Variants in CREBZF observed in about 807,000 individuals in gnomAD.
CREBZF encodes HCF-binding transcription factor Zhangfei.
In CREBZF, 8 loss-of-function variants were observed where a neutral mutation model predicts 21.1. The observed-to-expected ratio is 0.38, with a 90% CI of 0.22 to 0.68. CREBZF has a LOEUF of 0.68. CREBZF is among the 30% of genes least tolerant of loss of function. The pLI is 0.51. For missense variants in CREBZF, 518 were observed against 484.3 expected, an observed-to-expected ratio of 1.07 and a Z score of -0.65; for synonymous variants, 270 against 223.3, an observed-to-expected ratio of 1.21 and a Z score of -1.86.
At chr11:85,671,649 TA>T (rs1277568369) in intron 1 of CREBZF, among the ~76,000 whole-genome samples, 1 of 152,224 alleles carries the variant, frequency 6.6e-6, no homozygotes, top group Non-Finnish European at 1.5e-5. Flanking sequence ...TGCAAGTCCA[TA>T]ATCCAGCAAG....
At chr11:85,670,245 T>A (rs1165977739) in intron 1 of CREBZF, among the ~76,000 whole-genome samples, 2 of 150,528 alleles carry the variant, frequency 1.3e-5, no homozygotes, top group African/African-American at 4.9e-5. Context: ...TGTTTCGTAT[T>A]CTTTATTTCC....
In CREBZF at chr11:85,664,212, G is replaced by T; in HGVS notation, c.664C>A (p.Arg222=). The change falls in exon 1 of 1, where the codon CGA becomes AGA. Residue 222 remains arginine (R), a synonymous_variant. Transcript: ENST00000527447. The surrounding 1 kb of genome is among the most constrained non-coding windows in gnomAD (Gnocchi z 5.5). The part of the protein sequence containing the change: ...KAAAAAARLN[R]LKKKEYVMGL... ...ATCACGTACTCCTTCTTCTTCAGTC[G>T]ATTAAGGCGGGCAGCGGCCGCCGCC... 1 of 1,613,112 alleles carries T rather than the reference G, an allele frequency of 6.2e-7. No individual in the cohort carries two copies. The highest frequency in any genetic ancestry group is 8.5e-7 in the Non-Finnish European group (1 of 1,179,916).
At position 85,658,181 on chromosome 11, in the gene CREBZF, CCTT is replaced by C. The variant is rs1190211962; in HGVS notation, c.*5627_*5629del. ...TTAACCCAAGTACCGAGTTAAGACTCCTTAAGAATATAGAATTATGTAATCAAC... is the reference window on the plus strand; with the variant it reads ...TTAACCCAAGTACCGAGTTAAGACTCAAGAATATAGAATTATGTAATCAAC... On this transcript the variant is annotated 3_prime_UTR_variant, in exon 1 of 1. Transcript: ENST00000527447. Among the ~76,000 whole-genome samples, 1 of 151,838 alleles carries C rather than the reference CCTT, an allele frequency of 6.6e-6. No individual in the cohort carries two copies. The highest frequency in any genetic ancestry group is 1.5e-5 in the Non-Finnish European group (1 of 67,814).
At chr11:85,680,098 A>G (rs1490129232) in intron 1 of CREBZF, among the ~76,000 whole-genome samples, 6 of 152,070 alleles carry the variant, frequency 3.9e-5, no homozygotes, top group African/African-American at 1.4e-4. Flanking sequence ...CCCAATATTC[A>G]TTTATGCAGC....
intron 1 of CREBZF, among the ~76,000 whole-genome samples, chr11:85,675,376 A>G (rs563079251): frequency 6.6e-6 from 1 of 152,256 alleles, no homozygotes; most frequent in South Asian, 2.1e-4. Context: ...TAATTACAAT[A>G]TTGTTGTGTC....
At chr11:85,672,746 A>G (rs1459922466) in intron 1 of CREBZF, among the ~76,000 whole-genome samples, 2 of 152,180 alleles carry the variant, frequency 1.3e-5, no homozygotes, top group Non-Finnish European at 2.9e-5. Flanking sequence ...GATCCATGAG[A>G]CCAAGGAAGA....
chr11:85,670,109 A>G (rs1303072069), upstream of CREBZF, among the ~76,000 whole-genome samples: 1 of 152,022 alleles, frequency 6.6e-6, no homozygotes, highest in Non-Finnish European at 1.5e-5. Flanking sequence ...GCCTGGACTA[A>G]TTACATGTTG....
Position 85,662,859 on chromosome 11 carries a change from A to T in CREBZF, c.*952T>A, listed in dbSNP as rs1484765551. 1 of 160,584 alleles carries T rather than the reference A, an allele frequency of 6.2e-6. No individual in the cohort carries two copies. The highest frequency in any genetic ancestry group is 2.4e-5 in the African/African-American group (1 of 41,642). 9.9% of individuals were successfully genotyped at this position (160,584 alleles called of 1,614,324 possible). A position where few individuals can be genotyped will look rare whatever the true frequency, so the allele number is the denominator to read the frequency against. ...TTTATTCAATCTCAGTGATAGGGTA[A>T]TCACTGCTGGTCCTCAAAGAAACAT... is the stretch of plus-strand genomic sequence containing the variant. On this transcript the variant is annotated 3_prime_UTR_variant, in exon 1 of 1. Coordinates refer to ENST00000527447, the MANE Select transcript of CREBZF (RefSeq NM_001039618.4).
chr11:85,672,036 C>T (rs2082915022), intron 1 of CREBZF, among the ~76,000 whole-genome samples: 1 of 152,252 alleles, frequency 6.6e-6, no homozygotes, highest in African/African-American at 2.4e-5. Context: ...CCTGGACAGC[C>T]AAGTGTTTCC....
intron 1 of CREBZF, among the ~76,000 whole-genome samples, chr11:85,678,988 A>G (rs2082959194): frequency 1.3e-5 from 2 of 152,214 alleles, no homozygotes; most frequent in Non-Finnish European, 2.9e-5. Context: ...GAAGGCTCAG[A>G]CTTCTGGAAA....
At chr11:85,671,034 C>A (rs931149493) in intron 1 of CREBZF, among the ~76,000 whole-genome samples, 1 of 152,174 alleles carries the variant, frequency 6.6e-6, no homozygotes, top group African/African-American at 2.4e-5. Flanking sequence ...CATTCTCACA[C>A]TGCTACAAAG....
At chr11:85,682,159 C>T (rs562274805) in intron 1 of CREBZF, among the ~76,000 whole-genome samples, 1 of 152,302 alleles carries the variant, frequency 6.6e-6, no homozygotes, top group South Asian at 2.1e-4. Context: ...AGGTTCAAAA[C>T]TCACTTTTGC....
At chr11:85,677,579 C>T (rs2082950477) in intron 1 of CREBZF, among the ~76,000 whole-genome samples, 1 of 152,100 alleles carries the variant, frequency 6.6e-6, no homozygotes, top group Non-Finnish European at 1.5e-5. Context: ...TTTTACTTAT[C>T]CCACTAGCCC....
Position 85,664,764 on chromosome 11 carries a change from C to G in CREBZF, c.112G>C (p.Ala38Pro). The stretch of plus-strand genomic sequence containing the variant: ...GCCGTCTCCTCCTCCCCCGCTGCAG[C>G]CCGGGTCAGGTCAGAGGGCAGCGAA... ...TCSLPSDLTR[A>P]AAGEEETAAA... Residue 38 changes from alanine to proline, a missense_variant, in exon 1 of 1, where the codon GCT (alanine) becomes CCT (proline). By Grantham distance (27) the Ala-to-Pro change is conservative. Transcript: ENST00000527447. This position sits in a 1 kb window ranked among gnomAD's most constrained non-coding sequence, Gnocchi z 5.5. 1 of 1,607,794 alleles carries G rather than the reference C, an allele frequency of 6.2e-7. No homozygotes were observed. Among genetic ancestry groups the G allele is most frequent in the African/African-American group, 1.3e-5 (1 of 74,760 alleles).
In CREBZF at chr11:85,663,889, G is replaced by C. The variant is rs775807726; in HGVS notation, c.987C>G (p.Leu329=). The change falls in exon 1 of 1, where the codon CTC becomes CTG. Residue 329 remains leucine, a synonymous_variant. Transcript: ENST00000527447. ...EEDDSAGGVC[L]HVDKDKVSVE... ...CCGACACCTTATCCTTGTCCACATG[G>C]AGACAGACTCCTCCCGCCGAGTCGT... is the stretch of plus-strand genomic sequence containing the variant. 1.2e-6 allele frequency: 2 copies of C among 1,612,710 alleles called. No homozygotes were observed. Among genetic ancestry groups the C allele is most frequent in the Non-Finnish European group, 1.7e-6 (2 of 1,179,996 alleles).
chr11:85,663,854 C>G lies in CREBZF; in HGVS notation c.1022G>C (p.Cys341Ser). 1 of 1,607,336 alleles carries G rather than the reference C, an allele frequency of 6.2e-7. No individual in the cohort carries two copies. Among genetic ancestry groups the G allele is most frequent in the Non-Finnish European group, 8.5e-7 (1 of 1,178,494 alleles). Residue 341 changes from cysteine (C) to serine (S), a missense_variant, in exon 1 of 1, where the codon TGC becomes TCC. This residue lies in a region of CREBZF where 114 missense variants were observed against 134.1 expected (regional missense o/e 0.85). Coordinates refer to ENST00000527447, the MANE Select transcript of CREBZF (RefSeq NM_001039618.4). Reference protein sequence around the residue: ...VDKDKVSVEFCSACARKASSS... With the variant: ...VDKDKVSVEFSSACARKASSS... ...CGACGCCTTCCGGGCGCACGCCGAG[C>G]AGAACTCCACCGACACCTTATCCTT... is the stretch of plus-strand genomic sequence containing the variant.
Position 85,662,761 on chromosome 11 carries a change from CT to C in CREBZF, c.*1049del. 1 of 252,982 alleles carries C rather than the reference CT, an allele frequency of 4.0e-6. No homozygotes were observed. The highest frequency in any genetic ancestry group is 7.5e-6 in the Non-Finnish European group (1 of 133,828). 15.7% of individuals were successfully genotyped at this position (252,982 alleles called of 1,614,324 possible). A position where few individuals can be genotyped will look rare whatever the true frequency, so the allele number is the denominator to read the frequency against. ...CACGTTTTCATTCACATTTCACAACCTTCAATATCTAATCATACATATATAA... is the reference window on the plus strand; with the variant it reads ...CACGTTTTCATTCACATTTCACAACCTCAATATCTAATCATACATATATAA... On this transcript the variant is annotated 3_prime_UTR_variant, in exon 1 of 1. Transcript: ENST00000527447.
rs1260367999 is a variant in CREBZF, at chr11:85,663,905, G to A, written c.971C>T (p.Ala324Val). 2.5e-6 allele frequency: 4 copies of A among 1,613,302 alleles called. No homozygotes were observed. Among genetic ancestry groups the A allele is most frequent in the Admixed American group, 1.7e-5 (1 of 60,004 alleles). The change falls in exon 1 of 1, where the codon GCG becomes GTG. Residue 324 changes from alanine (A) to valine (V), a missense_variant. By Grantham distance (64) the Ala-to-Val change is moderately conservative. Transcript: ENST00000527447. Reference sequence around the variant, plus strand: ...GTCCACATGGAGACAGACTCCTCCCGCCGAGTCGTCCTCTTCCAGCAGGTC... The same window carrying A: ...GTCCACATGGAGACAGACTCCTCCCACCGAGTCGTCCTCTTCCAGCAGGTC... Reference protein sequence around the residue: ...KQDLLEEDDSAGGVCLHVDKD... With the variant: ...KQDLLEEDDSVGGVCLHVDKD...
At position 85,662,929 on chromosome 11, in the gene CREBZF, A is replaced by G. The variant is rs1478722153; in HGVS notation, c.*882T>C. On this transcript the variant is annotated 3_prime_UTR_variant, in exon 1 of 1. Coordinates refer to ENST00000527447, the MANE Select transcript of CREBZF (RefSeq NM_001039618.4). ...ATTAACTAAAACGCAGGAGTCTCAT[A>G]TGTATGTTAATTTCCAACTTCTCTA... 6.4e-6 allele frequency: 1 copy of G among 157,076 alleles called. No homozygotes were observed. Among genetic ancestry groups the G allele is most frequent in the Non-Finnish European group, 1.4e-5 (1 of 70,774 alleles). 9.7% of individuals were successfully genotyped at this position (157,076 alleles called of 1,614,324 possible).
Sources: allele counts gnomAD v4.1 joint callset (sites outside exome capture counted in the v4.1 genomes callset), GRCh38; gene constraint gnomAD v4.1.1; regional missense constraint gnomAD v4.1.1; non-coding constraint Gnocchi (gnomAD v3.1); transcripts MANE v1.5; gene names NCBI Gene and HGNC (gene_info 2026-07-23, HGNC 2026-07-21).